Variants in ZNF850 observed in about 807,000 individuals in gnomAD.
ZNF850 encodes putative zinc finger protein ENSP00000330994.
In ZNF850, 2 loss-of-function variants were observed where a neutral mutation model predicts 11.9. The observed-to-expected ratio is 0.17, with a 90% CI of 0.07 to 0.53. ZNF850 has a LOEUF of 0.53. ZNF850 is among the 20% of genes least tolerant of loss of function. The probability of loss-of-function intolerance (pLI) is 0.94; values close to 1 mark genes in which losing one functional copy is unlikely to be tolerated. For missense variants in ZNF850, 1,014 were observed against 1,316.4 expected (o/e 0.77, Z 3.55); for synonymous variants, 381 against 443.0 (o/e 0.86, Z 1.76).
intron 1 of ZNF850, among the ~76,000 whole-genome samples, chr19:36,767,005 G>C (rs1371116027): frequency 1.3e-5 from 2 of 152,184 alleles, no homozygotes; most frequent in Non-Finnish European, 2.9e-5. Flanking sequence ...GGGAGGCCAA[G>C]GTGGGTGGAT....
At chr19:36,755,047 T>C (rs2040477427) in intron 4 of ZNF850, among the ~76,000 whole-genome samples, 1 of 152,074 alleles carries the variant, frequency 6.6e-6, no homozygotes, top group African/African-American at 2.4e-5. Context: ...ACACTGACAA[T>C]TCAGCAGTGC....
rs149281701 is a variant in ZNF850, at chr19:36,768,265, G to A, written c.-70+4460C>T. ...CATTCAGGTAAGTGGAATATTAGGT[G>A]TTCAATAAACGTAGGTTATTCCCTC... On this transcript the variant is annotated intron_variant, in intron 1 of 4. Coordinates refer to ENST00000591344, the MANE Select transcript of ZNF850 (RefSeq NM_001193552.2). Among the ~76,000 whole-genome samples the A allele has an allele frequency of 1.8e-4, 27 of 151,344 alleles. No individual in the cohort carries two copies. The East Asian group carries it at 5.2e-3, about 29-fold the overall frequency.
intron 1 of ZNF850, among the ~76,000 whole-genome samples, chr19:36,763,035 C>T (rs2040528726): frequency 6.6e-6 from 1 of 151,958 alleles, no homozygotes; most frequent in Non-Finnish European, 1.5e-5. Context: ...TGACTATAGG[C>T]GTGCACCACC....
intron 1 of ZNF850, among the ~76,000 whole-genome samples, chr19:36,764,327 G>A (rs1205463312): frequency 6.6e-6 from 1 of 152,072 alleles, no homozygotes; most frequent in Non-Finnish European, 1.5e-5. Flanking sequence ...AAAGTTACAG[G>A]GGCATCTGCC....
At chr19:36,750,923 G>A (rs2040449810) in intron 4 of ZNF850, 119 bp from the exon 5 acceptor site, 1 of 1,135,168 alleles carries the variant, frequency 8.8e-7, no homozygotes, top group East Asian at 2.6e-5. Flanking sequence ...AAGATGTGTT[G>A]GGCGTGGTGG....
At chr19:36,758,580 C>T (rs1334268470) in intron 4 of ZNF850, among the ~76,000 whole-genome samples, 2 of 152,062 alleles carry the variant, frequency 1.3e-5, no homozygotes, top group Middle Eastern at 3.2e-3. Flanking sequence ...GGGGATTTCG[C>T]CACATTTGCC....
At chr19:36,751,305 T>C (rs766630668) in intron 4 of ZNF850, among the ~76,000 whole-genome samples, 1 of 151,816 alleles carries the variant, frequency 6.6e-6, no homozygotes, top group Non-Finnish European at 1.5e-5. Context: ...AAGGAAAGCC[T>C]GAAAAGCTGT....
rs2040447816 is a variant in ZNF850, at chr19:36,750,576, G to A, written c.464C>T (p.Thr155Ile). ...AATCCGATGATGCAGAGTGAGAGAT[G>A]TCTGTAGGCAGAAAGTTGGTGTTGT... is the stretch of plus-strand genomic sequence containing the variant. ...YETTPTFCLQ[T>I]SLTLHHRIHP... The change falls in exon 5 of 5, where the codon ACA (threonine) becomes ATA (isoleucine). Residue 155 changes from threonine to isoleucine, a missense_variant. Around this residue, in one of 2 missense-constraint regions of ZNF850, gnomAD observed 835 missense variants for 1,022.0 expected, o/e 0.82. Transcript: ENST00000591344. 1.3e-6 allele frequency: 2 copies of A among 1,536,164 alleles called. No homozygotes were observed. Among genetic ancestry groups the A allele is most frequent in the Non-Finnish European group, 1.7e-6 (2 of 1,146,914 alleles).
At chr19:36,769,356 T>G (rs1423094230) in intron 1 of ZNF850, among the ~76,000 whole-genome samples, 1 of 151,270 alleles carries the variant, frequency 6.6e-6, no homozygotes, top group African/African-American at 2.4e-5. Flanking sequence ...ATCCTAGCAC[T>G]TTGGAGGCAG....
chr19:36,763,142 T>G (rs2040529319), intron 1 of ZNF850, among the ~76,000 whole-genome samples: 1 of 152,036 alleles, frequency 6.6e-6, no homozygotes, highest in Non-Finnish European at 1.5e-5. Flanking sequence ...CTACCTGCTT[T>G]GGCCTCCCAA....
At position 36,764,051 on chromosome 19, in the gene ZNF850, C is replaced by T. The variant is rs2040534889; in HGVS notation, c.-69-1376G>A. On this transcript the variant is annotated intron_variant, in intron 1 of 4. Transcript: ENST00000591344. ...CACGAGGTCAAGAGATAGAGACCAT[C>T]CCGGCCAACATGGTGAAACCCCGTC... is the stretch of plus-strand genomic sequence containing the variant. Among the ~76,000 whole-genome samples, 4 of 151,798 alleles carry T rather than the reference C, an allele frequency of 2.6e-5. No homozygotes were observed. The South Asian group carries it at 8.3e-4, about 31-fold the overall frequency.
At position 36,743,876 on chromosome 19, in the gene ZNF850, ACTCCT is replaced by A. The variant is rs1397555400; in HGVS notation, c.*3886_*3890del. 2 of 152,096 alleles carry A rather than the reference ACTCCT, an allele frequency of 1.3e-5. No homozygotes were observed. The highest frequency in any genetic ancestry group is 4.8e-5 in the African/African-American group (2 of 41,410). The allele number at this position is 152,096 out of a possible 1,614,324, so 9.4% of individuals were successfully genotyped here. A position where few individuals can be genotyped will look rare whatever the true frequency, so the allele number is the denominator to read the frequency against. ...ACTATGGCAGAGGAGAAATATTGAA[ACTCCT>A]CTATTAAAAGGATTTACCGGCCGGG... On this transcript the variant is annotated 3_prime_UTR_variant, in exon 5 of 5. Transcript: ENST00000591344.
chr19:36,744,154 G>A lies in ZNF850; in HGVS notation c.*3613C>T, dbSNP rs1285602297. 15 of 149,522 alleles carry A rather than the reference G, an allele frequency of 1.0e-4. No individual in the cohort carries two copies. Among genetic ancestry groups the A allele is most frequent in the African/African-American group, 3.5e-4 (14 of 40,510 alleles). 9.3% of individuals were successfully genotyped at this position (149,522 alleles called of 1,614,324 possible). A position where few individuals can be genotyped will look rare whatever the true frequency, so the allele number is the denominator to read the frequency against. ...ATCGTGCCATTGCACTCCAGCCTGGGCAACAATAGCAAAACTCCCGTCTCA... is the reference window on the plus strand; with the variant it reads ...ATCGTGCCATTGCACTCCAGCCTGGACAACAATAGCAAAACTCCCGTCTCA... On this transcript the variant is annotated 3_prime_UTR_variant, in exon 5 of 5. Coordinates refer to ENST00000591344, the MANE Select transcript of ZNF850 (RefSeq NM_001193552.2).
intron 1 of ZNF850, among the ~76,000 whole-genome samples, chr19:36,764,258 G>A (rs1723306): frequency 0.82 from 125,334 of 151,920 alleles, 52,268 homozygotes; most frequent in Non-Finnish European, 0.88. Flanking sequence ...ATAAAATAAA[G>A]TAAAATAAAA....
At chr19:36,753,898 C>T (rs1021344104) in intron 4 of ZNF850, among the ~76,000 whole-genome samples, 6 of 151,926 alleles carry the variant, frequency 3.9e-5, no homozygotes, top group Non-Finnish European at 5.9e-5. Flanking sequence ...TCAGTGGAAT[C>T]GAACTAAGTA....
chr19:36,761,704 T>A lies in ZNF850; in HGVS notation c.174A>T (p.Leu58Phe), dbSNP rs1208097734. ...TCCAGGGCTCTTTCCCTTGCTCCAG[T>A]AAGGAAATCACATCAGGCTTTGGGA... Reference protein sequence around the residue: ...LSIPKPDVISLLEQGKEPWMV... With the variant: ...LSIPKPDVISFLEQGKEPWMV... Residue 58 changes from leucine to phenylalanine, a missense_variant, in exon 4 of 5, where the codon TTA becomes TTT. Leu to Phe is a conservative substitution (Grantham distance 22). Coordinates refer to ENST00000591344, the MANE Select transcript of ZNF850 (RefSeq NM_001193552.2). 3.8e-6 allele frequency: 6 copies of A among 1,560,270 alleles called. No individual in the cohort carries two copies. Among genetic ancestry groups the A allele is most frequent in the Non-Finnish European group, 5.2e-6 (6 of 1,158,688 alleles).
intron 4 of ZNF850, among the ~76,000 whole-genome samples, chr19:36,756,107 T>C (rs1245313451): frequency 2.0e-5 from 3 of 152,042 alleles, no homozygotes; most frequent in African/African-American, 7.2e-5. Context: ...GGTTTTACCA[T>C]GTTGGCCAGG....
At chr19:36,769,263 A>C (rs1334765114) in intron 1 of ZNF850, among the ~76,000 whole-genome samples, 3 of 82,808 alleles carry the variant, frequency 3.6e-5, no homozygotes, top group Non-Finnish European at 2.4e-5. Context: ...GACTGTCTCA[A>C]AAAAAAAAAA....
rs567709722 is a variant in ZNF850 at position 36,770,703 on chromosome 19, CAAAAAAAAAAAAAA to C, written c.-70+2008_-70+2021del. Among the ~76,000 whole-genome samples, 16 of 66,610 alleles carry C rather than the reference CAAAAAAAAAAAAAA, an allele frequency of 2.4e-4. No homozygotes were observed. The East Asian group carries it at 2.5e-3, about 11-fold the overall frequency. The allele number at this position is 66,610 out of a possible 152,430, so 43.7% of individuals were successfully genotyped here. A position where few individuals can be genotyped will look rare whatever the true frequency, so the allele number is the denominator to read the frequency against. ...TCTGGGCGACAGAGAGAGACTCCAT[CAAAAAAAAAAAAAA>C]AAAAAAAAAAAAAAAAAAAAAGCCA... On this transcript the variant is annotated intron_variant, in intron 1 of 4. Coordinates refer to ENST00000591344, the MANE Select transcript of ZNF850 (RefSeq NM_001193552.2).
Sources: gnomAD v4.1 joint callset for allele counts (sites outside exome capture counted in the v4.1 genomes callset) on GRCh38, gnomAD v4.1.1 for gene constraint, gnomAD v4.1.1 regional missense constraint, MANE v1.5 for transcripts, NCBI Gene and HGNC (gene_info 2026-07-23, HGNC 2026-07-21) for gene names.